Variants in MCM8 observed in about 807,000 individuals in gnomAD.
MCM8 encodes the protein minichromosome maintenance 8 homologous recombination repair factor.
In MCM8, 85 loss-of-function variants were observed where a neutral mutation model predicts 98.9. The ratio of observed to expected loss-of-function variants is 0.86; its 90% CI spans 0.72 to 1.03. The LOEUF (loss-of-function observed/expected upper bound fraction) is 1.03, where lower values mean the gene tolerates loss of function less well. Among genes scored for constraint, MCM8 ranks in the 50% least tolerant of loss-of-function variants. The pLI is 0.00. For missense variants in MCM8, 951 were observed against 997.8 expected, an observed-to-expected ratio of 0.95 and a Z score of 0.63; for synonymous variants, 352 against 338.6, an observed-to-expected ratio of 1.04 and a Z score of -0.44.
At chr20:5,976,761 G>A (rs2089519641) in intron 12 of MCM8, among the ~76,000 whole-genome samples, 2 of 152,100 alleles carry the variant, frequency 1.3e-5, no homozygotes, top group South Asian at 4.1e-4. Context: ...GGAGGTGAAA[G>A]GGTTTACAAG....
At chr20:5,957,300 C>G (rs1272654752) in intron 6 of MCM8, 71 bp downstream of exon 6, 3 of 1,128,338 alleles carry the variant, frequency 2.7e-6, no homozygotes, top group Non-Finnish European at 3.8e-6. Context: ...TGAAAACGCT[C>G]ATTTTATAAA....
At chr20:5,960,365 T>G (rs1004258837) in intron 7 of MCM8, among the ~76,000 whole-genome samples, 2 of 152,156 alleles carry the variant, frequency 1.3e-5, no homozygotes, top group Admixed American at 1.3e-4. Context: ...ATTACAACCT[T>G]GAACTCCTGG....
intron 17 of MCM8, among the ~76,000 whole-genome samples, chr20:5,988,659 A>G (rs1568599328): frequency 6.6e-6 from 1 of 152,166 alleles, no homozygotes; most frequent in Non-Finnish European, 1.5e-5. Context: ...TTTTTCATTT[A>G]AAATGCATTT....
intron 6 of MCM8, among the ~76,000 whole-genome samples, chr20:5,958,275 A>C (rs1311727260): frequency 1.3e-5 from 2 of 152,230 alleles, no homozygotes; most frequent in Admixed American, 1.3e-4. Context: ...AGACTGAGGC[A>C]GGAGAATCAC....
At chr20:5,972,365 G>A (rs1018281776) in intron 11 of MCM8, among the ~76,000 whole-genome samples, 2 of 151,370 alleles carry the variant, frequency 1.3e-5, no homozygotes, top group South Asian at 4.2e-4. Flanking sequence ...ACCACCATGT[G>A]CAGCTAATTT....
intron 8 of MCM8, chr20:5,964,628 C>T (rs1392209653): frequency 6.6e-6 from 1 of 152,196 alleles, no homozygotes; most frequent in African/African-American, 2.4e-5. Context: ...TCCCTTCTCA[C>T]TACTGCACTT....
intron 7 of MCM8, among the ~76,000 whole-genome samples, chr20:5,962,245 G>A (rs1340304184): frequency 2.0e-5 from 3 of 151,272 alleles, no homozygotes; most frequent in African/African-American, 7.3e-5. Flanking sequence ...CTTGCCTTTT[G>A]TGAGCTAGTC....
intron 2 of MCM8, 51 bp from the exon 3 acceptor site, chr20:5,952,373 T>C (rs2088854429): frequency 6.3e-7 from 1 of 1,593,116 alleles, no homozygotes; most frequent in Non-Finnish European, 8.6e-7. Context: ...AGAAGCATAT[T>C]GGAAAAATGT....
At chr20:5,983,195 A>G (rs749552044) in intron 14 of MCM8, 30 bp downstream of exon 14, 1 of 1,538,530 alleles carries the variant, frequency 6.5e-7, no homozygotes, top group Non-Finnish European at 8.9e-7. Flanking sequence ...TATACCTTTA[A>G]TGTATTGAAT....
intron 3 of MCM8, among the ~76,000 whole-genome samples, chr20:5,952,989 A>G (rs1481795458): frequency 6.6e-6 from 1 of 152,216 alleles, no homozygotes; most frequent in Admixed American, 6.5e-5. Context: ...AGGCTACCTT[A>G]CAGAGCTGTG....
chr20:5,990,992 C>T (rs1456965704), intron 17 of MCM8: 1 of 152,186 alleles, frequency 6.6e-6, no homozygotes, highest in African/African-American at 2.4e-5. Flanking sequence ...TCCTGAATGT[C>T]ATGTTTCTAC....
intron 9 of MCM8, 63 bp downstream of exon 9, chr20:5,967,650 T>G: frequency 6.6e-7 from 1 of 1,515,288 alleles, no homozygotes; most frequent in Admixed American, 1.9e-5. Context: ...TCATCTTTTC[T>G]AAGATGCTCC....
chr20:5,963,404 C>T (rs1284090552), intron 8 of MCM8, 45 bp downstream of exon 8: 2 of 1,409,458 alleles, frequency 1.4e-6, no homozygotes, highest in African/African-American at 2.8e-5. Flanking sequence ...TTAGATGTCA[C>T]ACTGTTGAGA....
intron 10 of MCM8, 87 bp from the exon 11 acceptor site, chr20:5,971,920 A>T: frequency 9.2e-7 from 1 of 1,081,466 alleles, no homozygotes; most frequent in African/African-American, 1.6e-5. Context: ...TGTTGATATT[A>T]AGCAGGTTAA....
chr20:5,978,158 A>C, intron 13 of MCM8, 141 bp downstream of exon 13: 1 of 846,480 alleles, frequency 1.2e-6, no homozygotes, highest in Non-Finnish European at 1.8e-6. Context: ...TGTCAGAAAT[A>C]ATCATTGGAA....
At chr20:5,981,912 C>G (rs988224274) in intron 13 of MCM8, among the ~76,000 whole-genome samples, 6 of 152,042 alleles carry the variant, frequency 3.9e-5, no homozygotes, top group Admixed American at 2.0e-4. Context: ...ATTGACACTG[C>G]TGAATGAGAA....
At chr20:5,981,249 A>G (rs2089623713) in intron 13 of MCM8, among the ~76,000 whole-genome samples, 1 of 152,176 alleles carries the variant, frequency 6.6e-6, no homozygotes, top group Non-Finnish European at 1.5e-5. Context: ...CCATGAATCC[A>G]GAGAGGTATA....
Position 5,957,062 on chromosome 20 carries a change from T to C in MCM8, c.487-64T>C, listed in dbSNP as rs546960115. ...ATAAACTTTATATTCTCTATAAAAA[T>C]AGAGTTCTGTATAAAGAGGATGTTT... On this transcript the variant is annotated intron_variant, in intron 5 of 18. Transcript: ENST00000610722. 2.0e-5 allele frequency: 20 copies of C among 998,984 alleles called. 1 individual carries two copies. The South Asian group carries it at 2.5e-4, about 13-fold the overall frequency. 61.9% of individuals were successfully genotyped at this position (998,984 alleles called of 1,614,324 possible). A position where few individuals can be genotyped will look rare whatever the true frequency, so the allele number is the denominator to read the frequency against.
At chr20:5,981,359 C>T (rs1246443964) in intron 13 of MCM8, among the ~76,000 whole-genome samples, 1 of 152,060 alleles carries the variant, frequency 6.6e-6, no homozygotes, top group Non-Finnish European at 1.5e-5. Flanking sequence ...CTCACTATGT[C>T]CCAGAGCTCC....
Sources: allele counts gnomAD v4.1 joint callset (sites outside exome capture counted in the v4.1 genomes callset), GRCh38; gene constraint gnomAD v4.1.1; transcripts MANE v1.5; gene names NCBI Gene and HGNC (gene_info 2026-07-23, HGNC 2026-07-21).